ASS1: variants seen among roughly 807,000 people sequenced by gnomAD.
ASS1 encodes argininosuccinate synthase 1, also known as argininosuccinate synthase.
In ASS1, 58 loss-of-function variants were observed where a neutral mutation model predicts 60.5. The ratio of observed to expected loss-of-function variants is 0.96; its 90% CI spans 0.78 to 1.19. The LOEUF (loss-of-function observed/expected upper bound fraction) is 1.19. Among genes scored for constraint, ASS1 ranks in the 50% most tolerant of loss-of-function variants. ASS1 has a pLI of 0.00. For missense variants in ASS1, 454 were observed against 547.3 expected, an observed-to-expected ratio of 0.83 and a Z score of 1.70; for synonymous variants, 200 against 206.9, an observed-to-expected ratio of 0.97 and a Z score of 0.29.
At chr9:130,496,789 C>A (rs1011120999) in intron 13 of ASS1, among the ~76,000 whole-genome samples, 1 of 152,098 alleles carries the variant, frequency 6.6e-6, no homozygotes, top group Non-Finnish European at 1.5e-5. Context: ...CACCAAGGGA[C>A]GAGGTGTCAC....
chr9:130,493,910 C>T (rs1405008695), intron 12 of ASS1, among the ~76,000 whole-genome samples: 2 of 151,208 alleles, frequency 1.3e-5, no homozygotes, highest in East Asian at 2.0e-4. Flanking sequence ...CCTCCTGCCC[C>T]CACCTACACA....
In ASS1 at chr9:130,452,052, T is replaced by C. The variant is rs1760275; in HGVS notation, c.-5-172T>C. The stretch of plus-strand genomic sequence containing the variant: ...TGTGCAGAGTGTGCGAGGTCAGGGT[T>C]CCCGGGGGTGGCAGGCACTGAAGGT... On this transcript the variant is annotated intron_variant, in intron 1 of 14. Coordinates refer to ENST00000352480, the MANE Select transcript of ASS1 (RefSeq NM_054012.4). 0.97 allele frequency: 680,272 copies of C among 700,902 alleles called. 330,618 individuals carry two copies. The highest frequency in any genetic ancestry group is 1 in the East Asian group (36,693 of 36,698). The allele number at this position is 700,902 out of a possible 1,614,324, so 43.4% of individuals were successfully genotyped here.
intron 9 of ASS1, among the ~76,000 whole-genome samples, chr9:130,479,131 C>T (rs1268505849): frequency 6.6e-6 from 1 of 152,008 alleles, no homozygotes; most frequent in African/African-American, 2.4e-5. Flanking sequence ...CCTCCTGCCA[C>T]CCCGGACCCA....
chr9:130,461,545 G>A (rs1845594515), intron 4 of ASS1, among the ~76,000 whole-genome samples: 1 of 152,188 alleles, frequency 6.6e-6, no homozygotes, highest in African/African-American at 2.4e-5. Flanking sequence ...CAACAGGGAC[G>A]GACTCCGGGG....
chr9:130,463,826 A>G (rs1845661808), intron 4 of ASS1, among the ~76,000 whole-genome samples: 1 of 152,112 alleles, frequency 6.6e-6, no homozygotes, highest in African/African-American at 2.4e-5. Flanking sequence ...CTGGCCCCCC[A>G]GGTCTTGCCA....
chr9:130,468,420 A>G (rs201968393), intron 6 of ASS1, among the ~76,000 whole-genome samples: 1 of 129,548 alleles, frequency 7.7e-6, no homozygotes, highest in Non-Finnish European at 1.8e-5. Flanking sequence ...TTAAAAAAAA[A>G]TTTTTTTTAG....
At chr9:130,475,149 AAC>A (rs1035752763) in intron 8 of ASS1, among the ~76,000 whole-genome samples, 1 of 152,194 alleles carries the variant, frequency 6.6e-6, no homozygotes, top group Non-Finnish European at 1.5e-5. Context: ...TGGTCACTCT[AAC>A]ACAGAGCCAC....
intron 3 of ASS1, among the ~76,000 whole-genome samples, chr9:130,456,968 C>T (rs1310774572): frequency 6.6e-6 from 1 of 151,930 alleles, no homozygotes; most frequent in Non-Finnish European, 1.5e-5. Flanking sequence ...TTGTGGATTA[C>T]ATCTGTTGAT....
intron 4 of ASS1, among the ~76,000 whole-genome samples, chr9:130,460,986 C>T (rs1845576904): frequency 6.6e-6 from 1 of 151,472 alleles, no homozygotes; most frequent in African/African-American, 2.4e-5. Context: ...CCCAGAGGAT[C>T]AGGACTGGGC....
Position 130,462,637 on chromosome 9 carries a change from G to A in ASS1, c.364-1474G>A, listed in dbSNP as rs920094753. ...GTTGGGGAAACATGAAGCTGTGGGGGAAAATAGCTGGGCCATGCAACGTCG... is the reference window on the plus strand; with the variant it reads ...GTTGGGGAAACATGAAGCTGTGGGGAAAAATAGCTGGGCCATGCAACGTCG... On this transcript the variant is annotated intron_variant, in intron 4 of 14. Transcript: ENST00000352480. Among the ~76,000 whole-genome samples the A allele has an allele frequency of 7.2e-5, 11 of 152,300 alleles. No individual in the cohort carries two copies. The East Asian group carries it at 1.7e-3, about 24-fold the overall frequency.
intron 5 of ASS1, 78 bp downstream of exon 5, chr9:130,464,245 G>A (rs1845673002): frequency 6.5e-7 from 1 of 1,534,262 alleles, no homozygotes; most frequent in Non-Finnish European, 9.0e-7. Context: ...CAGGGTTCTG[G>A]GAGATTCCAC....
chr9:130,479,846 G>A (rs375131092), intron 10 of ASS1, 46 bp downstream of exon 10: 25 of 1,569,758 alleles, frequency 1.6e-5, no homozygotes, highest in East Asian at 6.7e-5. Context: ...CCGCCGTCTC[G>A]GGCGAGCACG....
rs1846023877 is a variant in ASS1 at position 130,476,549 on chromosome 9, C to T, written c.598-322C>T. ...TCCTGGGAAGCCCTCGGAACGCCGC[C>T]TTGCTCCTCCAAAGTCACACTTTTT... On this transcript the variant is annotated intron_variant, in intron 8 of 14. Transcript: ENST00000352480. This position sits in a 1 kb window ranked among gnomAD's most constrained non-coding sequence, Gnocchi z 4.9. The T allele has an allele frequency of 4.1e-6, 2 of 487,832 alleles. No homozygotes were observed. The highest frequency in any genetic ancestry group is 3.8e-6 in the Non-Finnish European group (1 of 266,578). 30.2% of individuals were successfully genotyped at this position (487,832 alleles called of 1,614,324 possible). A position where few individuals can be genotyped will look rare whatever the true frequency, so the allele number is the denominator to read the frequency against.
At chr9:130,455,273 C>T (rs1047449627) in intron 3 of ASS1, among the ~76,000 whole-genome samples, 1 of 151,778 alleles carries the variant, frequency 6.6e-6, no homozygotes, top group African/African-American at 2.4e-5. Context: ...ATCCATCCAT[C>T]CCATTATCCA....
In ASS1 at chr9:130,455,963, G is replaced by C. The variant is rs148161369; in HGVS notation, c.174+1590G>C. Among the ~76,000 whole-genome samples the C allele has an allele frequency of 1.1e-4, 16 of 152,368 alleles. No individual in the cohort carries two copies. In the East Asian group the frequency reaches 2.9e-3, roughly 28 times the overall value. On this transcript the variant is annotated intron_variant, in intron 3 of 14. Transcript: ENST00000352480. ...TGCCTCCCGAGTGCTGGAGAGCAGA[G>C]GGGTTGTCTGAGCAGTAGTCCAGGA...
At chr9:130,451,986 G>A in intron 1 of ASS1, 1 of 660,126 alleles carries the variant, frequency 1.5e-6, no homozygotes, top group Non-Finnish European at 2.8e-6. Flanking sequence ...GCCTAGGACT[G>A]CAGTCAGCAT....
intron 6 of ASS1, among the ~76,000 whole-genome samples, chr9:130,468,874 C>T (rs1433765500): frequency 2.0e-5 from 3 of 152,168 alleles, no homozygotes; most frequent in African/African-American, 7.2e-5. Flanking sequence ...TGTTGGAGAT[C>T]GTTTTGTTTT....
chr9:130,495,082 G>A, intron 13 of ASS1, 59 bp downstream of exon 13: 1 of 1,543,892 alleles, frequency 6.5e-7, no homozygotes, highest in Non-Finnish European at 8.7e-7. Context: ...TCTTTTGACT[G>A]GATCCTCAAG....
chr9:130,495,033 C>T lies in ASS1; in HGVS notation c.1127+10C>T, dbSNP rs1480391231. On this transcript the variant is annotated intron_variant, in intron 13 of 14. Transcript: ENST00000352480. ...ATGAGGAGCTGGTGAGGTAGGTGCC[C>T]CACACCTCATTCTGACCCCCACTTG... The T allele has an allele frequency of 1.2e-6, 2 of 1,606,018 alleles. No homozygotes were observed.
Sources: allele counts gnomAD v4.1 joint callset (sites outside exome capture counted in the v4.1 genomes callset), GRCh38; gene constraint gnomAD v4.1.1; non-coding constraint Gnocchi (gnomAD v3.1); transcripts MANE v1.5; gene names NCBI Gene and HGNC (gene_info 2026-07-23, HGNC 2026-07-21).